PAK5: variants seen among roughly 807,000 people sequenced by gnomAD.
PAK5 encodes serine/threonine-protein kinase PAK 5.
Under a neutral mutation model 65.9 loss-of-function variants are expected in PAK5, and 16 were observed. The ratio of observed to expected loss-of-function variants is 0.24; its 90% CI spans 0.16 to 0.37. PAK5 has a LOEUF of 0.37. PAK5 is among the 10% of genes least tolerant of loss of function. The probability of loss-of-function intolerance (pLI) is 1.00; values close to 1 mark genes in which losing one functional copy is unlikely to be tolerated. For missense variants in PAK5, 785 were observed against 903.9 expected (o/e 0.87, Z 1.69); for synonymous variants, 371 against 354.9 (o/e 1.05, Z -0.51).
intron 3 of PAK5, among the ~76,000 whole-genome samples, chr20:9,629,530 CTTGA>C (rs771268468): frequency 0.9 from 136,266 of 151,642 alleles, 61,379 homozygotes; most frequent in East Asian, 0.99. Flanking sequence ...CTATGTTGTT[CTTGA>C]ACTGGTCTTG....
intron 2 of PAK5, among the ~76,000 whole-genome samples, chr20:9,691,126 G>A (rs1253272819): frequency 1.3e-5 from 2 of 152,148 alleles, no homozygotes; most frequent in African/African-American, 2.4e-5. Flanking sequence ...TATAGGCAGG[G>A]CAACAACATC....
chr20:9,653,517 T>C (rs2047227192), intron 2 of PAK5, among the ~76,000 whole-genome samples: 1 of 152,204 alleles, frequency 6.6e-6, no homozygotes, highest in Admixed American at 6.5e-5. Flanking sequence ...AATCCTTATA[T>C]AGATAGCATC....
intron 1 of PAK5, among the ~76,000 whole-genome samples, chr20:9,771,515 C>G (rs1312638671): frequency 6.6e-6 from 1 of 151,694 alleles, no homozygotes; most frequent in Non-Finnish European, 1.5e-5. Context: ...CTCAAGGGAC[C>G]CTCCCACTCA....
At chr20:9,612,350 C>T (rs1462883557) in intron 3 of PAK5, among the ~76,000 whole-genome samples, 1 of 152,150 alleles carries the variant, frequency 6.6e-6, no homozygotes, top group East Asian at 1.9e-4. Context: ...ACACCTGAGA[C>T]TGGGTAATTT....
At chr20:9,605,453 A>G (rs2046436044) in intron 3 of PAK5, among the ~76,000 whole-genome samples, 1 of 152,194 alleles carries the variant, frequency 6.6e-6, no homozygotes. Flanking sequence ...TCACCTAACT[A>G]TAAGGTCTTA....
intron 1 of PAK5, among the ~76,000 whole-genome samples, chr20:9,712,438 C>CTGCTG (rs2048089139): frequency 6.6e-6 from 1 of 152,088 alleles, no homozygotes; most frequent in Admixed American, 6.6e-5. Flanking sequence ...CTTATATTCT[C>CTGCTG]TGCTGTCCTA....
chr20:9,752,762 T>C (rs750936148), intron 1 of PAK5, among the ~76,000 whole-genome samples: 1 of 152,138 alleles, frequency 6.6e-6, no homozygotes, highest in Non-Finnish European at 1.5e-5. Flanking sequence ...CCATCCTTCC[T>C]TGTATCCAAG....
intron 4 of PAK5, among the ~76,000 whole-genome samples, chr20:9,572,936 T>C (rs2045816776): frequency 6.6e-6 from 1 of 152,178 alleles, no homozygotes; most frequent in South Asian, 2.1e-4. Context: ...CCAGGTCAAT[T>C]GTCTTGCAAA....
intron 3 of PAK5, among the ~76,000 whole-genome samples, chr20:9,589,622 T>C (rs2046130715): frequency 6.6e-6 from 1 of 152,216 alleles, no homozygotes; most frequent in African/African-American, 2.4e-5. Flanking sequence ...CTTTAACAAA[T>C]TATGTAATAA....
At chr20:9,822,424 C>T (rs955484697) in intron 1 of PAK5, among the ~76,000 whole-genome samples, 13 of 152,040 alleles carry the variant, frequency 8.6e-5, no homozygotes, top group Non-Finnish European at 1.6e-4. Context: ...ACATTAGATG[C>T]GTTTATAATA....
intron 2 of PAK5, among the ~76,000 whole-genome samples, chr20:9,678,325 C>T (rs933213772): frequency 5.3e-5 from 8 of 152,150 alleles, no homozygotes; most frequent in Admixed American, 6.5e-5. Context: ...CCCAGCACTT[C>T]GGGAGGCCGA....
intron 3 of PAK5, among the ~76,000 whole-genome samples, chr20:9,599,153 G>A (rs76632659): frequency 0.044 from 6,746 of 152,152 alleles, 474 homozygotes; most frequent in African/African-American, 0.15. Context: ...ATTTCACTTC[G>A]CATAGTGTTT....
intron 1 of PAK5, among the ~76,000 whole-genome samples, chr20:9,783,164 G>A (rs1310161626): frequency 1.3e-5 from 2 of 151,958 alleles, no homozygotes; most frequent in South Asian, 2.1e-4. Context: ...TTGAACTCCC[G>A]ACCTCCGGTG....
chr20:9,717,077 C>T (rs920052095), intron 1 of PAK5, among the ~76,000 whole-genome samples: 6 of 138,916 alleles, frequency 4.3e-5, no homozygotes, highest in South Asian at 2.2e-4. Flanking sequence ...GGAGCCAGAA[C>T]TTATCTCAAA....
intron 9 of PAK5, 83 bp from the exon 10 acceptor site, chr20:9,539,700 T>C: frequency 9.2e-7 from 1 of 1,090,472 alleles, no homozygotes; most frequent in Non-Finnish European, 1.4e-6. Flanking sequence ...ATTCATCCTA[T>C]CAACAACTTC....
chr20:9,542,622 C>T lies in PAK5; in HGVS notation c.1968G>A (p.Arg656=). The T allele has an allele frequency of 1.2e-6, 2 of 1,613,840 alleles. No individual in the cohort carries two copies. The highest frequency in any genetic ancestry group is 1.7e-6 in the Non-Finnish European group (2 of 1,179,892). ...CCTTCACTCTTGGAGGTAAACTGTC[C>T]CGGATCCTCCGCATCGCCTGGAGGG... The part of the protein sequence containing the change: ...EPPLQAMRRI[R]DSLPPRVKDL... The change falls in exon 9 of 10, where the codon CGG becomes CGA. Residue 656 remains arginine, a synonymous_variant. Transcript: ENST00000353224.
chr20:9,749,680 A>G (rs1220652771), intron 1 of PAK5, among the ~76,000 whole-genome samples: 2 of 152,196 alleles, frequency 1.3e-5, no homozygotes, highest in Non-Finnish European at 1.5e-5. Flanking sequence ...AATTATTGCT[A>G]CAAAAAGTAG....
intron 3 of PAK5, among the ~76,000 whole-genome samples, chr20:9,636,169 A>T (rs1237642610): frequency 1.3e-5 from 2 of 152,188 alleles, no homozygotes; most frequent in African/African-American, 2.4e-5. Flanking sequence ...GCAGATTTTT[A>T]AAAATATTAA....
At chr20:9,604,803 C>T (rs976260907) in intron 3 of PAK5, among the ~76,000 whole-genome samples, 15 of 152,100 alleles carry the variant, frequency 9.9e-5, no homozygotes, top group Non-Finnish European at 1.9e-4. Context: ...CTCCAAGGGG[C>T]CATGGAATGC....
Sources: gnomAD v4.1 joint callset for allele counts (sites outside exome capture counted in the v4.1 genomes callset) on GRCh38, gnomAD v4.1.1 for gene constraint, MANE v1.5 for transcripts, NCBI Gene and HGNC (gene_info 2026-07-23, HGNC 2026-07-21) for gene names.